The following PLA2G4F variants were observed in gnomAD, a reference collection of about 807,000 sequenced individuals.
The protein encoded by PLA2G4F is cytosolic phospholipase A2 zeta.
PLA2G4F carries 105 observed loss-of-function variants against 103.1 expected under a neutral mutation model. The ratio of observed to expected loss-of-function variants is 1.02; its 90% CI spans 0.87 to 1.20. The LOEUF is 1.20. PLA2G4F is among the 50% of genes most tolerant of loss of function. The pLI is 0.00. For synonymous variants in PLA2G4F, 468 were observed against 441.1 expected (o/e 1.06, Z -0.76); for missense variants, 1,155 against 1,075.9 (o/e 1.07, Z -1.03).
intron 1 of PLA2G4F, 123 bp from the exon 2 acceptor site, chr15:42,155,712 G>A (rs1172037270): frequency 2.2e-6 from 2 of 927,986 alleles, no homozygotes; most frequent in African/African-American, 1.6e-5. Flanking sequence ...CTCTGTGCCG[G>A]GGAGCAGGGA....
Position 42,142,533 on chromosome 15 carries a change from G to C in PLA2G4F, c.2324C>G (p.Ala775Gly). 6.2e-7 allele frequency: 1 copy of C among 1,613,086 alleles called. No individual in the cohort carries two copies. The highest frequency in any genetic ancestry group is 8.5e-7 in the Non-Finnish European group (1 of 1,179,376). Residue 775 changes from alanine (A) to glycine (G), a missense_variant, in exon 19 of 20, where the codon GCC becomes GGC. Around this residue, in one of 3 missense-constraint regions of PLA2G4F, gnomAD observed 782 missense variants for 692.9 expected, o/e 1.13. Coordinates refer to ENST00000397272, the MANE Select transcript of PLA2G4F (RefSeq NM_213600.4). The stretch of plus-strand genomic sequence containing the variant: ...AGGCCTGGAGCTTCCCTTACCTGGG[G>C]CCAGGTGTGTGCGGAAGGTACGGTT... ...LVNRTFRTHL[A>G]PGVERQTAEE...
At chr15:42,146,919 C>A in intron 13 of PLA2G4F, 1 of 580,922 alleles carries the variant, frequency 1.7e-6, no homozygotes, top group Non-Finnish European at 3.1e-6. Context: ...CGCTGCGGAC[C>A]AGGCTCCTCC....
At chr15:42,142,495 G>C in intron 19 of PLA2G4F, 33 bp downstream of exon 19, 2 of 1,583,864 alleles carry the variant, frequency 1.3e-6, no homozygotes, top group Non-Finnish European at 1.7e-6. Context: ...CCAGGGCTCT[G>C]TGGGTCAGTC....
At chr15:42,154,719 T>C (rs1373646079) in intron 2 of PLA2G4F, among the ~76,000 whole-genome samples, 1 of 152,168 alleles carries the variant, frequency 6.6e-6, no homozygotes, top group East Asian at 1.9e-4. Context: ...TAATTCCAGC[T>C]ACTGCCTGAT....
chr15:42,155,295 C>T (rs936080070), intron 2 of PLA2G4F, among the ~76,000 whole-genome samples: 1 of 151,906 alleles, frequency 6.6e-6, no homozygotes, highest in African/African-American at 2.4e-5. Flanking sequence ...CACATATACA[C>T]GCACTCACAC....
intron 13 of PLA2G4F, 122 bp from the exon 14 acceptor site, chr15:42,146,363 G>C (rs538210778): frequency 1.1e-6 from 1 of 905,864 alleles, no homozygotes; most frequent in Admixed American, 2.1e-5. Flanking sequence ...GGTCGCCAAG[G>C]CCAGTGCTGT....
Position 42,155,507 on chromosome 15 carries a change from G to T in PLA2G4F, c.184+10C>A, listed in dbSNP as rs770841162. On this transcript the variant is annotated intron_variant, in intron 2 of 19. Coordinates refer to ENST00000397272, the MANE Select transcript of PLA2G4F (RefSeq NM_213600.4). Reference sequence around the variant, plus strand: ...AGGACAGAGAGAAGGATGGAGATGGGGTCACTCACGCAGGTCTGTGCCCCG... The same window carrying T: ...AGGACAGAGAGAAGGATGGAGATGGTGTCACTCACGCAGGTCTGTGCCCCG... The T allele has an allele frequency of 1.2e-6, 2 of 1,613,686 alleles. No homozygotes were observed. Among genetic ancestry groups the T allele is most frequent in the Non-Finnish European group, 1.7e-6 (2 of 1,179,722 alleles).
At position 42,141,917 on chromosome 15, in the gene PLA2G4F, C is replaced by A. The variant is rs2048829560; in HGVS notation, c.*67G>T. On this transcript the variant is annotated 3_prime_UTR_variant, in exon 20 of 20. Transcript: ENST00000397272. ...CTGCACAGAGTCCCCATCGCTCCTC[C>A]CTCTACAAGCCCTGACCATGAGCAG... 1.4e-6 allele frequency: 2 copies of A among 1,474,846 alleles called. No individual in the cohort carries two copies. The highest frequency in any genetic ancestry group is 1.9e-6 in the Non-Finnish European group (2 of 1,071,900). 91.4% of individuals were successfully genotyped at this position (1,474,846 alleles called of 1,614,324 possible).
In PLA2G4F at chr15:42,142,717, G is replaced by A; in HGVS notation, c.2143-3C>T. ...TACTTCTCTGTCATCTTCAAGACCT[G>A]AGCAGGAGCAAGCCTCTGACTCTGC... On this transcript the variant is annotated splice_polypyrimidine_tract_variant and splice_region_variant and intron_variant, in intron 18 of 19. Transcript: ENST00000397272. 9 of 1,613,786 alleles carry A rather than the reference G, an allele frequency of 5.6e-6. No individual in the cohort carries two copies. Among genetic ancestry groups the A allele is most frequent in the Non-Finnish European group, 7.6e-6 (9 of 1,179,934 alleles).
Position 42,144,137 on chromosome 15 carries a change from G to C in PLA2G4F, c.1983C>G (p.His661Gln), listed in dbSNP as rs1236043414. The C allele has an allele frequency of 6.2e-7, 1 of 1,608,554 alleles. No homozygotes were observed. Among genetic ancestry groups the C allele is most frequent in the Non-Finnish European group, 8.5e-7 (1 of 1,177,792 alleles). ...TGAGCTGGTTGGGGAAGGCGTCCGGGTGTGTGTCTGCAAGGAACCCATGTG... is the reference window on the plus strand; with the variant it reads ...TGAGCTGGTTGGGGAAGGCGTCCGGCTGTGTGTCTGCAAGGAACCCATGTG... Reference protein sequence around the residue: ...GREFVAWKDTHPDAFPNQLTP... With the variant: ...GREFVAWKDTQPDAFPNQLTP... Residue 661 changes from histidine to glutamine, a missense_variant, in exon 18 of 20, where the codon CAC becomes CAG. Coordinates refer to ENST00000397272, the MANE Select transcript of PLA2G4F (RefSeq NM_213600.4).
At chr15:42,155,173 C>G (rs1019401490) in intron 2 of PLA2G4F, among the ~76,000 whole-genome samples, 4 of 151,598 alleles carry the variant, frequency 2.6e-5, no homozygotes, top group African/African-American at 9.7e-5. Context: ...TCACACACTC[C>G]TACATGTGTA....
chr15:42,152,557 C>T, intron 7 of PLA2G4F, 131 bp downstream of exon 7: 1 of 958,658 alleles, frequency 1.0e-6, no homozygotes, highest in East Asian at 2.7e-5. Context: ...GTGAACAATC[C>T]ATCCCATCGT....
Position 42,145,771 on chromosome 15 carries a change from A to G in PLA2G4F, c.1667T>C (p.Leu556Pro). The G allele has an allele frequency of 1.2e-6, 2 of 1,614,072 alleles. No homozygotes were observed. The highest frequency in any genetic ancestry group is 1.1e-5 in the South Asian group (1 of 91,080). The change falls in exon 15 of 20, where the codon CTG (leucine) becomes CCG (proline). Residue 556 changes from leucine to proline, a missense_variant. Leu to Pro is a moderately conservative substitution (Grantham distance 98). This residue lies in a region of PLA2G4F where 782 missense variants were observed against 692.9 expected (regional missense o/e 1.13). Coordinates refer to ENST00000397272, the MANE Select transcript of PLA2G4F (RefSeq NM_213600.4). ...QLQPEPRICY[L>P]QGMWGSAFAT... ...GCCCTCCAGCCTCGACTCACCTTGC[A>G]GGTAACAGATCCGGGGTTCAGGCTG...
At chr15:42,149,900 TGGA>T (rs1363901902) in intron 10 of PLA2G4F, 52 bp from the exon 11 acceptor site, 2 of 1,594,068 alleles carry the variant, frequency 1.3e-6, no homozygotes, top group African/African-American at 1.3e-5. Flanking sequence ...GACTGTCCAG[TGGA>T]GGAGAGCCTT....
Position 42,155,732 on chromosome 15 carries a change from G to A in PLA2G4F, c.112-143C>T, listed in dbSNP as rs544449028. The stretch of plus-strand genomic sequence containing the variant: ...TGCCGGGGAGCAGGGAGACCTTGGC[G>A]GGTCCCAGGCATTGGGAGTTCAGCA... On this transcript the variant is annotated intron_variant, in intron 1 of 19. Transcript: ENST00000397272. 2.1e-3 allele frequency: 1,625 copies of A among 766,718 alleles called. 11 individuals are homozygous for A. Among genetic ancestry groups the A allele is most frequent in the South Asian group, 6.9e-3 (412 of 59,814 alleles). 47.5% of individuals were successfully genotyped at this position (766,718 alleles called of 1,614,324 possible). A position where few individuals can be genotyped will look rare whatever the true frequency, so the allele number is the denominator to read the frequency against.
At chr15:42,145,725 C>G (rs1274512725) in intron 15 of PLA2G4F, 41 bp downstream of exon 15, 1 of 1,613,604 alleles carries the variant, frequency 6.2e-7, no homozygotes. Flanking sequence ...AGGGCCTGGC[C>G]CCGGCACCTG....
rs775994256 is a variant in PLA2G4F, at chr15:42,150,419, G to A, written c.839C>T (p.Ser280Phe). The A allele has an allele frequency of 1.2e-6, 2 of 1,613,342 alleles. No individual in the cohort carries two copies. Among genetic ancestry groups the A allele is most frequent in the Non-Finnish European group, 8.5e-7 (1 of 1,179,938 alleles). ...KLGEGGILLS[S>F]LPLGQEEQCS... ...CTGTTCCTCCTGGCCTAGGGGCAGA[G>A]AGGAGAGCAGGATGCCCCCCTCGCC... Residue 280 changes from serine (S) to phenylalanine (F), a missense_variant, in exon 9 of 20, where the codon TCT becomes TTT. Ser to Phe is a radical substitution (Grantham distance 155). Transcript: ENST00000397272.
rs1484635656 is a variant in PLA2G4F at position 42,150,374 on chromosome 15, T to TC, written c.883dup (p.Glu295GlyfsTer25). 6.2e-7 allele frequency: 1 copy of TC among 1,603,776 alleles called. No homozygotes were observed. Among genetic ancestry groups the TC allele is most frequent in the Non-Finnish European group, 8.5e-7 (1 of 1,175,878 alleles). ...TCTGGCACCCAGACAGAGCCTTACCTCCCCCAGGGCCACAGAACACTGTTC... is the reference window on the plus strand; with the variant it reads ...TCTGGCACCCAGACAGAGCCTTACCTCCCCCCAGGGCCACAGAACACTGTTC... On this transcript the variant is annotated frameshift_variant and splice_region_variant, in exon 9 of 20. Coordinates refer to ENST00000397272, the MANE Select transcript of PLA2G4F (RefSeq NM_213600.4). LOFTEE classifies it high-confidence loss of function.
rs1450513251 is a variant in PLA2G4F, at chr15:42,145,684, T to A, written c.1673-2A>T. Reference sequence around the variant, plus strand: ...TGGCAAAGGCGCTGCCCCACATACCTAAGGAGACAGGCAGGCCCCCACCCC... The same window carrying A: ...TGGCAAAGGCGCTGCCCCACATACCAAAGGAGACAGGCAGGCCCCCACCCC... On this transcript the variant is annotated splice_acceptor_variant, in intron 15 of 19. Coordinates refer to ENST00000397272, the MANE Select transcript of PLA2G4F (RefSeq NM_213600.4). LOFTEE classifies it high-confidence loss of function. 1 of 1,613,912 alleles carries A rather than the reference T, an allele frequency of 6.2e-7. No homozygotes were observed. Among genetic ancestry groups the A allele is most frequent in the South Asian group, 1.1e-5 (1 of 91,078 alleles).
Sources: allele counts gnomAD v4.1 joint callset (sites outside exome capture counted in the v4.1 genomes callset), GRCh38; gene constraint gnomAD v4.1.1; regional missense constraint gnomAD v4.1.1; transcripts MANE v1.5; gene names NCBI Gene and HGNC (gene_info 2026-07-23, HGNC 2026-07-21).